MSRA: variants seen among roughly 807,000 people sequenced by gnomAD.
MSRA encodes the protein mitochondrial peptide methionine sulfoxide reductase.
In MSRA, 54 loss-of-function variants were observed where a neutral mutation model predicts 31.3. The ratio of observed to expected loss-of-function variants is 1.73; its 90% CI spans 1.39 to 2.17. The LOEUF (loss-of-function observed/expected upper bound fraction) is 2.17, where lower values mean the gene tolerates loss of function less well. Ranked by LOEUF, MSRA falls within the 30% of genes most tolerant of loss-of-function variation. The pLI is 0.00. For synonymous variants in MSRA, 169 were observed against 116.5 expected, an observed-to-expected ratio of 1.45 and a Z score of -2.90; for missense variants, 507 against 300.9, an observed-to-expected ratio of 1.69 and a Z score of -5.07.
At chr8:10,301,869 A>G (rs1462349210) in intron 4 of MSRA, among the ~76,000 whole-genome samples, 1 of 152,138 alleles carries the variant, frequency 6.6e-6, no homozygotes, top group Non-Finnish European at 1.5e-5. Context: ...AGGGGTGGGA[A>G]AATTCCCACA....
intron 1 of MSRA, among the ~76,000 whole-genome samples, chr8:10,116,944 C>T (rs1800732590): frequency 6.6e-6 from 1 of 152,074 alleles, no homozygotes; most frequent in African/African-American, 2.4e-5. Context: ...CTAGCCTGGG[C>T]AACAAGAGCG....
chr8:10,076,777 C>A (rs1030392403), intron 1 of MSRA, among the ~76,000 whole-genome samples: 4 of 152,048 alleles, frequency 2.6e-5, no homozygotes, highest in African/African-American at 4.8e-5. Flanking sequence ...GCAAGTGTCT[C>A]CACCCAGCTC....
At chr8:10,316,794 A>G (rs1196402946) in intron 4 of MSRA, among the ~76,000 whole-genome samples, 5 of 152,200 alleles carry the variant, frequency 3.3e-5, no homozygotes, top group Admixed American at 6.5e-5. Flanking sequence ...CCTGGATAAT[A>G]AGAAGTGCCA....
intron 3 of MSRA, among the ~76,000 whole-genome samples, chr8:10,249,374 AAC>A (rs1387692170): frequency 3.9e-5 from 6 of 152,198 alleles, no homozygotes; most frequent in African/African-American, 1.4e-4. Context: ...ATATGACAAA[AAC>A]AGAGTTTTGG....
chr8:10,261,269 T>C (rs1286303871), intron 3 of MSRA, among the ~76,000 whole-genome samples: 1 of 152,170 alleles, frequency 6.6e-6, no homozygotes, highest in Non-Finnish European at 1.5e-5. Flanking sequence ...TGTTAATTCT[T>C]TTTTAAAGCT....
In MSRA at chr8:10,350,669, A is replaced by G. The variant is rs546457621; in HGVS notation, c.543+30680A>G. Reference sequence around the variant, plus strand: ...GCCGGGCTTCAGGCTGAGTGGGCTCATAGCTGGTTGGCCCTGTATCTCTGG... The same window carrying G: ...GCCGGGCTTCAGGCTGAGTGGGCTCGTAGCTGGTTGGCCCTGTATCTCTGG... On this transcript the variant is annotated intron_variant, in intron 5 of 5. Coordinates refer to ENST00000317173, the MANE Select transcript of MSRA (RefSeq NM_012331.5). 1.3e-4 allele frequency among the ~76,000 whole-genome samples: 20 copies of G among 152,366 alleles called. No homozygotes were observed. The South Asian group carries it at 3.9e-3, about 30-fold the overall frequency.
intron 3 of MSRA, among the ~76,000 whole-genome samples, chr8:10,298,976 G>A (rs1430980168): frequency 6.6e-6 from 1 of 152,152 alleles, no homozygotes; most frequent in African/African-American, 2.4e-5. Context: ...CACCCGTGGG[G>A]TTTCAGAAAA....
chr8:10,097,665 A>C (rs1202488899), intron 1 of MSRA, among the ~76,000 whole-genome samples: 1 of 152,082 alleles, frequency 6.6e-6, no homozygotes, highest in African/African-American at 2.4e-5. Context: ...TTTTTTCTTG[A>C]AGTTAAAATA....
rs117569938 is a variant in MSRA at position 10,224,456 on chromosome 8, A to G, written c.211+16555A>G. 7.7e-3 allele frequency among the ~76,000 whole-genome samples: 1,166 copies of G among 151,686 alleles called. 14 individuals carry two copies. The highest frequency in any genetic ancestry group is 0.017 in the South Asian group (79 of 4,764). On this transcript the variant is annotated intron_variant, in intron 2 of 5. Transcript: ENST00000317173. ...TTCTCCTTTTTCACAAAAGAGCTTG[A>G]TTTTCCTATTTAAACCACAGCCTCA... is the stretch of plus-strand genomic sequence containing the variant.
chr8:10,243,841 T>G (rs1277625157), intron 2 of MSRA, among the ~76,000 whole-genome samples: 1 of 152,244 alleles, frequency 6.6e-6, no homozygotes, highest in South Asian at 2.1e-4. Context: ...CAAACATATT[T>G]CCATGTTGCA....
intron 5 of MSRA, among the ~76,000 whole-genome samples, chr8:10,374,215 G>A (rs1257785730): frequency 6.6e-6 from 1 of 152,196 alleles, no homozygotes; most frequent in African/African-American, 2.4e-5. Context: ...TGAGAAGCAA[G>A]TACAGAAGTA....
Position 10,357,622 on chromosome 8 carries a change from A to C in MSRA, c.543+37633A>C, listed in dbSNP as rs530579246. On this transcript the variant is annotated intron_variant, in intron 5 of 5. Transcript: ENST00000317173. ...CATCTGGTATAGGCTCACGTTGTCTATTTCCTGCCCCAGACCTGGATTCCA... is the reference window on the plus strand; with the variant it reads ...CATCTGGTATAGGCTCACGTTGTCTCTTTCCTGCCCCAGACCTGGATTCCA... 2.2e-4 allele frequency among the ~76,000 whole-genome samples: 33 copies of C among 152,222 alleles called. No homozygotes were observed. The South Asian group carries it at 4.1e-3, about 19-fold the overall frequency.
At chr8:10,222,800 A>T (rs926532479) in intron 2 of MSRA, among the ~76,000 whole-genome samples, 2 of 152,228 alleles carry the variant, frequency 1.3e-5, no homozygotes, top group African/African-American at 4.8e-5. Context: ...GAACTCATCA[A>T]AGCAGAGAGT....
intron 1 of MSRA, among the ~76,000 whole-genome samples, chr8:10,199,970 C>G (rs1269766744): frequency 6.6e-6 from 1 of 152,184 alleles, no homozygotes; most frequent in East Asian, 1.9e-4. Flanking sequence ...TATGCCTCAC[C>G]AAGGTGGGTT....
At chr8:10,221,629 C>T (rs1810510671) in intron 2 of MSRA, among the ~76,000 whole-genome samples, 1 of 152,084 alleles carries the variant, frequency 6.6e-6, no homozygotes, top group African/African-American at 2.4e-5. Flanking sequence ...ACAAAAATCT[C>T]TAGCAGCTTA....
At chr8:10,414,737 A>G (rs1433708705) in intron 5 of MSRA, among the ~76,000 whole-genome samples, 3 of 152,206 alleles carry the variant, frequency 2.0e-5, no homozygotes, top group East Asian at 3.8e-4. Flanking sequence ...TCTGCATTTC[A>G]TCCCCAAGGT....
At chr8:10,391,085 A>C (rs1047143214) in intron 5 of MSRA, among the ~76,000 whole-genome samples, 2 of 152,204 alleles carry the variant, frequency 1.3e-5, no homozygotes, top group African/African-American at 4.8e-5. Context: ...AAGTAAAAAG[A>C]GAGAGAAATA....
intron 5 of MSRA, among the ~76,000 whole-genome samples, chr8:10,374,423 T>A (rs923218004): frequency 2.6e-5 from 4 of 152,124 alleles, no homozygotes; most frequent in Non-Finnish European, 4.4e-5. Context: ...GCAGGCTAGA[T>A]CCTAGGCTGG....
chr8:10,174,319 C>T (rs184516448), intron 1 of MSRA, among the ~76,000 whole-genome samples: 10 of 152,090 alleles, frequency 6.6e-5, no homozygotes, highest in East Asian at 3.9e-4. Flanking sequence ...GAAGGTGAGC[C>T]GAGCAGATGG....
Sources: allele counts gnomAD v4.1 joint callset (sites outside exome capture counted in the v4.1 genomes callset), GRCh38; gene constraint gnomAD v4.1.1; transcripts MANE v1.5; gene names NCBI Gene and HGNC (gene_info 2026-07-23, HGNC 2026-07-21).